PCDH15: variants seen among roughly 807,000 people sequenced by gnomAD.
The protein encoded by PCDH15 is protocadherin related 15.
In PCDH15, 129 loss-of-function variants were observed where a neutral mutation model predicts 178.5. That is an observed-to-expected ratio of 0.72 (90% CI 0.63 to 0.84). The LOEUF (loss-of-function observed/expected upper bound fraction) is 0.84, where lower values mean the gene tolerates loss of function less well. PCDH15 is among the 40% of genes least tolerant of loss of function. The pLI is 0.00. For synonymous variants in PCDH15, 800 were observed against 732.0 expected (o/e 1.09, Z -1.50); for missense variants, 2,230 against 2,099.9 (o/e 1.06, Z -1.21).
chr10:54,872,836 A>G (rs573520570), intron 3 of PCDH15, among the ~76,000 whole-genome samples: 4 of 152,234 alleles, frequency 2.6e-5, no homozygotes, highest in Admixed American at 2.0e-4. Flanking sequence ...TCTATAAAAC[A>G]TAATCTTTGA....
At chr10:55,455,824 T>A (rs1839538697) in intron 2 of PCDH15, among the ~76,000 whole-genome samples, 1 of 152,144 alleles carries the variant, frequency 6.6e-6, no homozygotes, top group Non-Finnish European at 1.5e-5. Flanking sequence ...ACATATAATT[T>A]ACCATCAGTA....
At chr10:54,834,370 G>C (rs1447416656) in intron 3 of PCDH15, among the ~76,000 whole-genome samples, 3 of 151,626 alleles carry the variant, frequency 2.0e-5, no homozygotes, top group Admixed American at 6.6e-5. Context: ...GTAGAGACGG[G>C]GTTTTGCCAC....
At chr10:55,554,913 G>A (rs10825544) in intron 2 of PCDH15, among the ~76,000 whole-genome samples, 51,003 of 151,702 alleles carry the variant, frequency 0.34, 8,900 homozygotes, top group East Asian at 0.49. Context: ...TACTGGCCAG[G>A]TATGTTATAG....
chr10:54,942,349 T>G (rs1430500456), intron 2 of PCDH15, among the ~76,000 whole-genome samples: 1 of 152,086 alleles, frequency 6.6e-6, no homozygotes, highest in Non-Finnish European at 1.5e-5. Flanking sequence ...TTAGTAGATT[T>G]TATTTTATTT....
intron 1 of PCDH15, among the ~76,000 whole-genome samples, chr10:55,286,816 G>C (rs2132263582): frequency 6.6e-6 from 1 of 151,874 alleles, no homozygotes; most frequent in African/African-American, 2.4e-5. Flanking sequence ...ATTCCTCTTT[G>C]CATCCTTGCA....
chr10:55,412,827 T>C (rs1200706527), intron 2 of PCDH15, among the ~76,000 whole-genome samples: 4 of 151,418 alleles, frequency 2.6e-5, no homozygotes, highest in Admixed American at 1.3e-4. Context: ...TACACGTTGC[T>C]GCATACATCT....
At chr10:54,096,197 C>A (rs1476547546) in intron 15 of PCDH15, among the ~76,000 whole-genome samples, 1 of 151,830 alleles carries the variant, frequency 6.6e-6, no homozygotes, top group Non-Finnish European at 1.5e-5. Flanking sequence ...AAACTTATCT[C>A]GAGTTTCCCT....
intron 26 of PCDH15, among the ~76,000 whole-genome samples, chr10:53,871,870 T>G (rs973383451): frequency 1.3e-5 from 2 of 151,942 alleles, no homozygotes; most frequent in African/African-American, 4.8e-5. Flanking sequence ...TCTCCTGCCT[T>G]AGCCTCCCCA....
intron 37 of PCDH15, among the ~76,000 whole-genome samples, chr10:53,807,580 C>G (rs1187890144): frequency 1.3e-5 from 2 of 152,084 alleles, no homozygotes; most frequent in Non-Finnish European, 2.9e-5. Flanking sequence ...CCACATCATT[C>G]TAATTTTTAA....
intron 18 of PCDH15, among the ~76,000 whole-genome samples, chr10:54,046,024 A>G (rs932689927): frequency 6.6e-6 from 1 of 152,180 alleles, no homozygotes; most frequent in African/African-American, 2.4e-5. Context: ...TCCAACAGAT[A>G]AATAAGAAAC....
chr10:55,100,968 G>A (rs868701052), intron 2 of PCDH15, among the ~76,000 whole-genome samples: 1 of 152,144 alleles, frequency 6.6e-6, no homozygotes, highest in African/African-American at 2.4e-5. Flanking sequence ...ATGGTGTATT[G>A]TGTATACTTT....
chr10:54,462,513 T>TTTC (rs1491395990), intron 3 of PCDH15, among the ~76,000 whole-genome samples: 3 of 9,602 alleles, frequency 3.1e-4, no homozygotes, highest in Non-Finnish European at 8.8e-4. Flanking sequence ...TTTTCTTTTC[T>TTTC]TTTTTTTTTT....
chr10:55,531,959 T>A (rs1841463158), intron 2 of PCDH15, among the ~76,000 whole-genome samples: 1 of 152,006 alleles, frequency 6.6e-6, no homozygotes, highest in Non-Finnish European at 1.5e-5. Context: ...ATTGGAGACT[T>A]TCAATGAATA....
intron 7 of PCDH15, among the ~76,000 whole-genome samples, chr10:54,322,588 T>C (rs951415771): frequency 6.6e-6 from 1 of 151,980 alleles, no homozygotes; most frequent in Non-Finnish European, 1.5e-5. Context: ...AGGAAACTAT[T>C]GAAACCCTGA....
chr10:54,550,522 C>T (rs1565572688), intron 2 of PCDH15, among the ~76,000 whole-genome samples: 1 of 146,056 alleles, frequency 6.8e-6, no homozygotes, highest in Non-Finnish European at 1.5e-5. Flanking sequence ...CATGTGCGTG[C>T]ACACACATAT....
intron 3 of PCDH15, among the ~76,000 whole-genome samples, chr10:54,440,515 A>AT (rs2075733372): frequency 6.6e-6 from 1 of 151,926 alleles, no homozygotes; most frequent in South Asian, 2.1e-4. Flanking sequence ...TATTTGGCAT[A>AT]TTTTTTAATG....
At chr10:55,203,720 A>T (rs939418512) in intron 1 of PCDH15, among the ~76,000 whole-genome samples, 2 of 152,128 alleles carry the variant, frequency 1.3e-5, no homozygotes. Context: ...AGTAGATTGG[A>T]CATTTCCAAA....
At chr10:54,342,474 A>T (rs541913515) in intron 6 of PCDH15, among the ~76,000 whole-genome samples, 14 of 152,266 alleles carry the variant, frequency 9.2e-5, no homozygotes, top group South Asian at 2.1e-4. Flanking sequence ...GTTTCAGAGG[A>T]TGTGTGAAAA....
chr10:53,840,033 A>C (rs2132754946), intron 29 of PCDH15, among the ~76,000 whole-genome samples: 1 of 152,310 alleles, frequency 6.6e-6, no homozygotes, highest in Non-Finnish European at 1.5e-5. Context: ...AGCAAGAGTG[A>C]GGAGCTGGCA....
Sources: allele counts gnomAD v4.1 joint callset (sites outside exome capture counted in the v4.1 genomes callset), GRCh38; gene constraint gnomAD v4.1.1; transcripts MANE v1.5; gene names NCBI Gene and HGNC (gene_info 2026-07-23, HGNC 2026-07-21).